The following FGFR3 variants were observed in gnomAD, a reference collection of about 807,000 sequenced individuals.
FGFR3 encodes the protein FGFR-3.
Under a neutral mutation model 82.9 loss-of-function variants are expected in FGFR3, and 25 were observed. That is an observed-to-expected ratio of 0.30 (90% CI 0.22 to 0.42). The LOEUF (loss-of-function observed/expected upper bound fraction) is 0.42, where lower values mean the gene tolerates loss of function less well. FGFR3 is among the 10% of genes least tolerant of loss of function. The pLI is 1.00. For missense variants in FGFR3, 1,026 were observed against 1,161.0 expected (o/e 0.88, Z 1.69); for synonymous variants, 620 against 516.0 (o/e 1.20, Z -2.73).
chr4:1,793,966 GCGTGGC>G lies in FGFR3; in HGVS notation c.40_45del (p.Val14_Ala15del). 7.3e-7 allele frequency: 1 copy of G among 1,376,660 alleles called. No homozygotes were observed. Among genetic ancestry groups the G allele is most frequent in the Non-Finnish European group, 9.5e-7 (1 of 1,051,768 alleles). 85.3% of individuals were successfully genotyped at this position (1,376,660 alleles called of 1,614,324 possible). A position where few individuals can be genotyped will look rare whatever the true frequency, so the allele number is the denominator to read the frequency against. ...GCCCCTGCCTGCGCCCTCGCGCTCT[GCGTGGC>G]CGTGGCCATCGTGGCCGGCGCCTCC... On this transcript the variant is annotated inframe_deletion, in exon 2 of 18. Coordinates refer to ENST00000440486, the MANE Select transcript of FGFR3 (RefSeq NM_000142.5).
intron 2 of FGFR3, among the ~76,000 whole-genome samples, chr4:1,794,435 C>T (rs1720222689): frequency 6.6e-6 from 1 of 152,172 alleles, no homozygotes; most frequent in African/African-American, 2.4e-5. Flanking sequence ...CCCCGGGCCC[C>T]AGTTTGTGGC....
chr4:1,796,010 G>A (rs1720468878), intron 2 of FGFR3, among the ~76,000 whole-genome samples: 1 of 152,216 alleles, frequency 6.6e-6, no homozygotes, highest in Non-Finnish European at 1.5e-5. Context: ...TAGATCTGGG[G>A]CTGTGGCACC....
At position 1,799,890 on chromosome 4, in the gene FGFR3, C is replaced by T. The variant is rs184080582; in HGVS notation, c.445+78C>T. The T allele has an allele frequency of 1.3e-3, 2,044 of 1,532,142 alleles. 24 individuals are homozygous for T. The African/African-American group carries it at 0.025, about 19-fold the overall frequency. 94.9% of individuals were successfully genotyped at this position (1,532,142 alleles called of 1,614,324 possible). A position where few individuals can be genotyped will look rare whatever the true frequency, so the allele number is the denominator to read the frequency against. ...GCCAAGCCCTGCCCTTCACAGGCAG[C>T]TGAGGGACTAAGGCCCCGGAACAAC... On this transcript the variant is annotated intron_variant, in intron 4 of 17. Transcript: ENST00000440486.
In FGFR3 at chr4:1,803,403, C is replaced by T. The variant is rs181808419; in HGVS notation, c.931-289C>T. Among the ~76,000 whole-genome samples, 6 of 152,382 alleles carry T rather than the reference C, an allele frequency of 3.9e-5. No individual in the cohort carries two copies. The East Asian group carries it at 5.8e-4, about 15-fold the overall frequency. ...TCCGCAGCCTGTGTGTCCCTGTGTCCATCCTCCACCTGCACCCGCCCGGCT... is the reference window on the plus strand; with the variant it reads ...TCCGCAGCCTGTGTGTCCCTGTGTCTATCCTCCACCTGCACCCGCCCGGCT... On this transcript the variant is annotated intron_variant, in intron 7 of 17. Coordinates refer to ENST00000440486, the MANE Select transcript of FGFR3 (RefSeq NM_000142.5).
intron 7 of FGFR3, chr4:1,803,022 G>T: frequency 6.2e-7 from 1 of 1,601,674 alleles, no homozygotes; most frequent in Non-Finnish European, 8.5e-7. Context: ...CATAGGCGTG[G>T]CCGAGAAGGC....
intron 2 of FGFR3, among the ~76,000 whole-genome samples, chr4:1,797,379 C>T (rs956632872): frequency 6.6e-6 from 1 of 152,168 alleles, no homozygotes; most frequent in African/African-American, 2.4e-5. Flanking sequence ...TGGCACCTAG[C>T]AGGCAGGCAG....
intron 9 of FGFR3, 92 bp from the exon 10 acceptor site, chr4:1,804,732 C>T (rs758827225): frequency 1.5e-5 from 22 of 1,491,700 alleles, no homozygotes; most frequent in Middle Eastern, 4.6e-4. Flanking sequence ...GAAGTCAGAA[C>T]GCCCCCCCTT....
chr4:1,796,447 T>C (rs1036932835), intron 2 of FGFR3, among the ~76,000 whole-genome samples: 1 of 152,160 alleles, frequency 6.6e-6, no homozygotes. Context: ...ATACCTCCTG[T>C]ACCCCAGAGA....
intron 2 of FGFR3, among the ~76,000 whole-genome samples, chr4:1,795,959 C>T (rs556856975): frequency 6.6e-6 from 1 of 152,296 alleles, no homozygotes; most frequent in Non-Finnish European, 1.5e-5. Flanking sequence ...CCCCTTGTTA[C>T]CCACCCCCCA....
intron 12 of FGFR3, 31 bp downstream of exon 12, chr4:1,805,700 G>C: frequency 6.2e-7 from 1 of 1,611,348 alleles, no homozygotes; most frequent in Non-Finnish European, 8.5e-7. Context: ...GGTGCCGGCT[G>C]GGCGGCCCTC....
chr4:1,802,828 G>A, intron 7 of FGFR3: 4 of 1,479,504 alleles, frequency 2.7e-6, no homozygotes, highest in South Asian at 2.7e-5. Context: ...GCCTCGATCT[G>A]TACCTTGGGG....
chr4:1,802,884 G>A (rs756258472), intron 7 of FGFR3: 13 of 1,567,986 alleles, frequency 8.3e-6, no homozygotes, highest in African/African-American at 5.6e-5. Context: ...CCTCGGGGGC[G>A]TGCCTGAGCC....
In FGFR3 at chr4:1,805,362, C is replaced by T. The variant is rs1721755636; in HGVS notation, c.1420C>T (p.Leu474=). 1.9e-6 allele frequency: 3 copies of T among 1,611,954 alleles called. No homozygotes were observed. The highest frequency in any genetic ancestry group is 2.5e-6 in the Non-Finnish European group (3 of 1,179,862). Residue 474 remains leucine, a synonymous_variant, in exon 11 of 18, where the codon CTG becomes TTG. Transcript: ENST00000440486. Reference sequence around the variant, plus strand: ...CTCTGCCTCCACTGCCAGGCTGACCCTGGGCAAGCCCCTTGGGGAGGGCTG... The same window carrying T: ...CTCTGCCTCCACTGCCAGGCTGACCTTGGGCAAGCCCCTTGGGGAGGGCTG... ...KWELSRARLT[L]GKPLGEGCFG...
At chr4:1,798,598 G>GT (rs1337653665) in intron 2 of FGFR3, among the ~76,000 whole-genome samples, 1 of 143,412 alleles carries the variant, frequency 7.0e-6, no homozygotes, top group Non-Finnish European at 1.5e-5. Flanking sequence ...CCCGCGCATC[G>GT]CCCCCCAGAC....
At chr4:1,800,431 A>C (rs898522404) in intron 4 of FGFR3, among the ~76,000 whole-genome samples, 6 of 151,986 alleles carry the variant, frequency 3.9e-5, no homozygotes, top group African/African-American at 1.4e-4. Context: ...ATCGTGGCAC[A>C]GACATGGGGG....
At chr4:1,804,766 T>C in intron 9 of FGFR3, 58 bp from the exon 10 acceptor site, 2 of 1,546,870 alleles carry the variant, frequency 1.3e-6, no homozygotes, top group Non-Finnish European at 1.7e-6. Context: ...GACCCCCGGC[T>C]GTACCTCCAC....
chr4:1,801,589 C>T (rs535170711), intron 5 of FGFR3, 31 bp from the exon 6 acceptor site: 39 of 1,592,082 alleles, frequency 2.4e-5, no homozygotes, highest in South Asian at 1.6e-4. Flanking sequence ...TTGCTGCCTC[C>T]GCTCACTCAC....
intron 3 of FGFR3, 85 bp downstream of exon 3, chr4:1,799,608 G>T: frequency 1.3e-6 from 2 of 1,549,494 alleles, no homozygotes; most frequent in Non-Finnish European, 1.7e-6. Flanking sequence ...GCGGCTGGGG[G>T]TCTCTCTGGT....
chr4:1,796,100 A>G (rs1720478925), intron 2 of FGFR3, among the ~76,000 whole-genome samples: 1 of 152,142 alleles, frequency 6.6e-6, no homozygotes, highest in Admixed American at 6.5e-5. Flanking sequence ...CACCTCATCT[A>G]GGGAGGCATG....
Sources: gnomAD v4.1 joint callset for allele counts (sites outside exome capture counted in the v4.1 genomes callset) on GRCh38, gnomAD v4.1.1 for gene constraint, MANE v1.5 for transcripts, NCBI Gene and HGNC (gene_info 2026-07-23, HGNC 2026-07-21) for gene names.